CPQ: variants seen among roughly 807,000 people sequenced by gnomAD.
CPQ encodes carboxypeptidase Q.
In CPQ, 37 loss-of-function variants were observed where a neutral mutation model predicts 45.7. The observed-to-expected ratio is 0.81, with a 90% CI of 0.62 to 1.07. The LOEUF (loss-of-function observed/expected upper bound fraction) is 1.07, where lower values mean the gene tolerates loss of function less well. Ranked by LOEUF, CPQ falls within the 50% of genes least tolerant of loss-of-function variation. The pLI, the probability that CPQ is intolerant of heterozygous loss-of-function variation, is 0.00. For missense variants in CPQ, 537 were observed against 572.9 expected (o/e 0.94, Z 0.64); for synonymous variants, 186 against 205.8 (o/e 0.90, Z 0.82).
chr8:96,970,017 C>G (rs981471595), intron 5 of CPQ, among the ~76,000 whole-genome samples: 2 of 152,166 alleles, frequency 1.3e-5, no homozygotes, highest in Non-Finnish European at 2.9e-5. Flanking sequence ...GATGCAAGTT[C>G]CACTGTAGCT....
intron 4 of CPQ, among the ~76,000 whole-genome samples, chr8:96,944,975 C>G (rs924267663): frequency 1.3e-5 from 2 of 152,170 alleles, no homozygotes; most frequent in African/African-American, 4.8e-5. Context: ...ACTTTACACC[C>G]CAGCGCTCAT....
chr8:97,012,292 T>C (rs1809501051), intron 5 of CPQ, among the ~76,000 whole-genome samples: 3 of 152,238 alleles, frequency 2.0e-5, no homozygotes, highest in African/African-American at 7.2e-5. Context: ...AAATTTTAGT[T>C]TCTTCTTTTA....
At chr8:97,046,207 G>A (rs980132133) in intron 6 of CPQ, among the ~76,000 whole-genome samples, 2 of 151,516 alleles carry the variant, frequency 1.3e-5, no homozygotes, top group South Asian at 4.2e-4. Flanking sequence ...ACTCACTTAT[G>A]TGTGTAAAAA....
At chr8:96,723,539 T>C (rs1019449305) in intron 1 of CPQ, among the ~76,000 whole-genome samples, 2 of 152,144 alleles carry the variant, frequency 1.3e-5, no homozygotes, top group African/African-American at 4.8e-5. Context: ...AAGGCTTGCG[T>C]TGGATTCTGT....
intron 7 of CPQ, among the ~76,000 whole-genome samples, chr8:97,123,002 T>TAAAATAAAATAAATAAA (rs1356753477): frequency 3.9e-4 from 6 of 15,222 alleles, no homozygotes; most frequent in Admixed American, 1.0e-3. Flanking sequence ...TAAAATAAAA[T>TAAAATAAAATAAATAAA]ATAAAATAAA....
At chr8:97,077,066 C>T (rs967872364) in intron 7 of CPQ, among the ~76,000 whole-genome samples, 3 of 152,170 alleles carry the variant, frequency 2.0e-5, no homozygotes, top group African/African-American at 7.2e-5. Context: ...TAGTACCGTA[C>T]TCTATTTATC....
At chr8:97,065,869 G>C in intron 6 of CPQ, 140 bp from the exon 7 acceptor site, 1 of 784,028 alleles carries the variant, frequency 1.3e-6, no homozygotes, top group South Asian at 1.6e-5. Context: ...ATGCAGAGCA[G>C]ACCTTAAGTC....
intron 1 of CPQ, among the ~76,000 whole-genome samples, chr8:96,661,733 T>C (rs2130712790): frequency 6.6e-6 from 1 of 152,356 alleles, no homozygotes; most frequent in East Asian, 1.9e-4. Flanking sequence ...CAATTATGAA[T>C]AAAGCTGCTC....
At chr8:96,908,694 G>T (rs570812738) in intron 4 of CPQ, among the ~76,000 whole-genome samples, 1 of 151,372 alleles carries the variant, frequency 6.6e-6, no homozygotes, top group African/African-American at 2.4e-5. Flanking sequence ...ATTGAAGTTT[G>T]CCTTACTGGA....
intron 1 of CPQ, among the ~76,000 whole-genome samples, chr8:96,720,505 A>G (rs1303826140): frequency 6.6e-6 from 1 of 152,204 alleles, no homozygotes; most frequent in Non-Finnish European, 1.5e-5. Flanking sequence ...GGTTCTGTGG[A>G]AAGCTCTAGG....
At chr8:96,687,086 G>A (rs140175755) in intron 1 of CPQ, among the ~76,000 whole-genome samples, 170 of 151,936 alleles carry the variant, frequency 1.1e-3, no homozygotes, top group African/African-American at 3.8e-3. Flanking sequence ...GTTTTGTTTC[G>A]TGTTATTTCT....
chr8:96,906,816 A>G (rs1375292839), intron 4 of CPQ, among the ~76,000 whole-genome samples: 5 of 152,132 alleles, frequency 3.3e-5, no homozygotes, highest in African/African-American at 1.2e-4. Context: ...TTCCTGTCAC[A>G]TCACATATGA....
At chr8:96,965,412 C>T (rs1311439492) in intron 4 of CPQ, among the ~76,000 whole-genome samples, 5 of 140,830 alleles carry the variant, frequency 3.6e-5, no homozygotes, top group African/African-American at 1.1e-4. Flanking sequence ...CTTGCTCTGC[C>T]ACCCCGGAGT....
intron 5 of CPQ, among the ~76,000 whole-genome samples, chr8:96,972,328 T>C (rs999153091): frequency 1.3e-5 from 2 of 152,066 alleles, no homozygotes; most frequent in African/African-American, 4.8e-5. Flanking sequence ...ATCCACACCC[T>C]CATAGCCCAC....
intron 2 of CPQ, among the ~76,000 whole-genome samples, chr8:96,827,247 C>T (rs1811392015): frequency 6.6e-6 from 1 of 151,972 alleles, no homozygotes; most frequent in Admixed American, 6.6e-5. Flanking sequence ...GTGTATTTTT[C>T]TCTTATGTCC....
At chr8:96,678,270 C>T (rs112943059) in intron 1 of CPQ, among the ~76,000 whole-genome samples, 3,694 of 152,010 alleles carry the variant, frequency 0.024, 167 homozygotes, top group African/African-American at 0.084. Flanking sequence ...GCAGTATGGT[C>T]GTTTTCACAA....
intron 7 of CPQ, among the ~76,000 whole-genome samples, chr8:97,067,075 C>T (rs1407460936): frequency 6.6e-6 from 1 of 151,788 alleles, no homozygotes; most frequent in Non-Finnish European, 1.5e-5. Flanking sequence ...TATGAGTGTG[C>T]ACCACCATGC....
intron 2 of CPQ, among the ~76,000 whole-genome samples, chr8:96,794,690 A>G (rs903979572): frequency 1.3e-5 from 2 of 152,108 alleles, no homozygotes; most frequent in Non-Finnish European, 2.9e-5. Context: ...TTCCCTTATA[A>G]AACTGAATGC....
At chr8:96,975,531 A>AAG (rs1563543943) in intron 5 of CPQ, among the ~76,000 whole-genome samples, 1 of 151,712 alleles carries the variant, frequency 6.6e-6, no homozygotes, top group Non-Finnish European at 1.5e-5. Context: ...ACAAAAAAAA[A>AAG]AGAGAGAGAG....
Sources: allele counts gnomAD v4.1 joint callset (sites outside exome capture counted in the v4.1 genomes callset), GRCh38; gene constraint gnomAD v4.1.1; transcripts MANE v1.5; gene names NCBI Gene and HGNC (gene_info 2026-07-23, HGNC 2026-07-21).